ZNF550: variants seen among roughly 807,000 people sequenced by gnomAD.
The protein encoded by ZNF550 is zinc finger protein 550.
In ZNF550, 42 loss-of-function variants were observed where a neutral mutation model predicts 40.2. The ratio of observed to expected loss-of-function variants is 1.05; its 90% CI spans 0.82 to 1.35. ZNF550 has a LOEUF of 1.35. Ranked by LOEUF, ZNF550 falls within the 40% of genes most tolerant of loss-of-function variation. The pLI, the probability that ZNF550 is intolerant of heterozygous loss-of-function variation, is 0.00. For missense variants in ZNF550, 549 were observed against 525.2 expected (o/e 1.05, Z -0.44); for synonymous variants, 223 against 198.6 (o/e 1.12, Z -1.03).
At chr19:57,542,204 T>C (rs2089966058) in exon 5 of ZNF550, 1 of 151,466 alleles carries the variant, frequency 6.6e-6, no homozygotes, top group African/African-American at 2.4e-5. Context: ...ACTGGAAAGC[T>C]GGGTAATTCT....
chr19:57,547,341 A>G (rs2090024047), exon 4 of ZNF550: 3 of 1,613,358 alleles, frequency 1.9e-6, no homozygotes, highest in Non-Finnish European at 2.5e-6. Flanking sequence ...GGCGAATAAA[A>G]GTAGACCGGT....
chr19:57,549,463 A>G (rs2090053609), intron 3 of ZNF550, among the ~76,000 whole-genome samples: 1 of 152,194 alleles, frequency 6.6e-6, no homozygotes, highest in Non-Finnish European at 1.5e-5. Context: ...AAAAAGAAAA[A>G]TAAAAATAAA....
intron 4 of ZNF550, among the ~76,000 whole-genome samples, chr19:57,546,024 T>C (rs2090005760): frequency 6.6e-6 from 1 of 151,636 alleles, no homozygotes; most frequent in South Asian, 2.1e-4. Context: ...TAAAAAATAA[T>C]GAGTTTATTA....
chr19:57,547,334 G>C, exon 4 of ZNF550: 2 of 1,613,494 alleles, frequency 1.2e-6, no homozygotes, highest in African/African-American at 1.3e-5. Flanking sequence ...CTATTATGGC[G>C]AATAAAAGTA....
chr19:57,556,349 C>T (rs369508910), exon 2 of ZNF550: 123 of 1,612,778 alleles, frequency 7.6e-5, no homozygotes, highest in Admixed American at 1.2e-4. Context: ...CCTTGAAGGT[C>T]ACCAACATCT....
exon 4 of ZNF550, chr19:57,547,428 C>T (rs779847566): frequency 9.4e-6 from 15 of 1,600,928 alleles, no homozygotes; most frequent in Admixed American, 3.4e-5. Flanking sequence ...GCATGAGGTA[C>T]GACCTGCGTT....
intron 3 of ZNF550, among the ~76,000 whole-genome samples, chr19:57,548,877 A>C (rs2090048157): frequency 1.3e-5 from 2 of 152,220 alleles, no homozygotes. Context: ...GTGTATACAC[A>C]ATGGGGTACT....
intron 2 of ZNF550, chr19:57,556,002 T>G: frequency 4.0e-6 from 2 of 498,078 alleles, no homozygotes; most frequent in Non-Finnish European, 7.2e-6. Flanking sequence ...TTCCTTCTTA[T>G]GCAATCTTGA....
chr19:57,545,684 C>T (rs1427664910), intron 4 of ZNF550, among the ~76,000 whole-genome samples: 1 of 152,052 alleles, frequency 6.6e-6, no homozygotes, highest in African/African-American at 2.4e-5. Flanking sequence ...CAGTTTGAGA[C>T]AAATCTGGGG....
intron 3 of ZNF550, among the ~76,000 whole-genome samples, chr19:57,549,337 C>T (rs1405905084): frequency 2.6e-5 from 4 of 151,884 alleles, no homozygotes; most frequent in Non-Finnish European, 5.9e-5. Flanking sequence ...CCCAGCTACT[C>T]GGGAGGCTGA....
Position 57,546,655 on chromosome 19 carries a change from T to C in ZNF550, c.*320A>G, listed in dbSNP as rs937451314. 5.7e-5 allele frequency: 62 copies of C among 1,093,874 alleles called. No homozygotes were observed. The Admixed American group carries it at 1.1e-3, about 19-fold the overall frequency. 67.8% of individuals were successfully genotyped at this position (1,093,874 alleles called of 1,614,324 possible). A position where few individuals can be genotyped will look rare whatever the true frequency, so the allele number is the denominator to read the frequency against. On this transcript the variant is annotated 3_prime_UTR_variant, in exon 4 of 5. Coordinates refer to ENST00000457177, the Ensembl canonical transcript of ZNF550. ...GGCCAAAGACTGTCCTTAATAGTTA[T>C]ATTTGGAATGTCTTTCTCCAGCATG...
At chr19:57,561,148 CTTG>C (rs999179461), upstream of ZNF550, among the ~76,000 whole-genome samples, 3 of 152,060 alleles carry the variant, frequency 2.0e-5, no homozygotes, top group Non-Finnish European at 4.4e-5. The surrounding 1 kb of genome is among the most constrained non-coding windows in gnomAD (Gnocchi z 4.9). Context: ...TTGCCTAGTT[CTTG>C]TTTTTATTTG....
intron 2 of ZNF550, chr19:57,555,108 G>A (rs2090107961): frequency 6.6e-6 from 1 of 152,092 alleles, no homozygotes; most frequent in Non-Finnish European, 1.5e-5. Flanking sequence ...GTTAAATATT[G>A]TATTCTAAAA....
chr19:57,551,744 A>G (rs2090074353), intron 3 of ZNF550, among the ~76,000 whole-genome samples: 1 of 152,216 alleles, frequency 6.6e-6, no homozygotes, highest in Admixed American at 6.5e-5. Context: ...GCCCAAGGGG[A>G]GAGCCCATGA....
intron 3 of ZNF550, among the ~76,000 whole-genome samples, chr19:57,548,648 TG>T (rs1401709311): frequency 3.9e-5 from 6 of 152,134 alleles, no homozygotes; most frequent in African/African-American, 1.4e-4. Flanking sequence ...TTAGTACAAC[TG>T]CCATGGAGAA....
intron 4 of ZNF550, chr19:57,544,074 G>C: frequency 2.0e-6 from 2 of 985,376 alleles, no homozygotes; most frequent in Non-Finnish European, 2.4e-6. Context: ...TCAATATATT[G>C]CACCTGTTCT....
chr19:57,543,795 G>A (rs781249674), intron 4 of ZNF550: 36 of 392,662 alleles, frequency 9.2e-5, no homozygotes, highest in Non-Finnish European at 1.1e-4. Flanking sequence ...AAAACTAGCC[G>A]GGCATGGTGG....
At position 57,549,645 on chromosome 19, in the gene ZNF550, G is replaced by C. The variant is rs552972827; in HGVS notation, c.251-1652C>G. ...TGGGCAATGGGTTGAAGGTGAGGAA[G>C]TAAAAATGGGTAGATTCACCCTTTG... On this transcript the variant is annotated intron_variant, in intron 3 of 4. Coordinates refer to ENST00000457177, the Ensembl canonical transcript of ZNF550. Among the ~76,000 whole-genome samples the C allele has an allele frequency of 1.4e-4, 21 of 152,234 alleles. No individual in the cohort carries two copies. The South Asian group carries it at 2.7e-3, about 20-fold the overall frequency.
chr19:57,553,639 A>C (rs1568600316), intron 2 of ZNF550: 1 of 152,194 alleles, frequency 6.6e-6, no homozygotes, highest in Non-Finnish European at 1.5e-5. Context: ...GCTGGTCTCG[A>C]GTGCCTGGCC....
Sources: allele counts gnomAD v4.1 joint callset (sites outside exome capture counted in the v4.1 genomes callset), GRCh38; gene constraint gnomAD v4.1.1; non-coding constraint Gnocchi (gnomAD v3.1); transcripts MANE v1.5; gene names NCBI Gene and HGNC (gene_info 2026-07-23, HGNC 2026-07-21).